PLEKHG1: variants seen among roughly 807,000 people sequenced by gnomAD.
The protein encoded by PLEKHG1 is pleckstrin homology and RhoGEF domain containing G1, also known as pleckstrin homology domain-containing family G member 1.
A neutral mutation model predicts 100.8 loss-of-function variants in PLEKHG1; 44 were observed. That is an observed-to-expected ratio of 0.44 (90% confidence interval 0.34 to 0.56). The LOEUF (loss-of-function observed/expected upper bound fraction) is 0.56, where lower values mean the gene tolerates loss of function less well. PLEKHG1 is among the 20% of genes least tolerant of loss of function. The pLI is 0.01. For missense variants in PLEKHG1, 1,545 were observed against 1,720.9 expected, an observed-to-expected ratio of 0.90 and a Z score of 1.81; for synonymous variants, 640 against 662.5, an observed-to-expected ratio of 0.97 and a Z score of 0.52.
At chr6:150,611,458 C>T (rs1565655) in intron 1 of PLEKHG1, among the ~76,000 whole-genome samples, 105,476 of 152,126 alleles carry the variant, frequency 0.69, 36,597 homozygotes, top group East Asian at 0.79. Context: ...TCCAAAGAGC[C>T]CCTTCCTATT....
intron 3 of PLEKHG1, among the ~76,000 whole-genome samples, chr6:150,692,479 A>G (rs980789131): frequency 6.6e-6 from 1 of 152,252 alleles, no homozygotes; most frequent in African/African-American, 2.4e-5. Context: ...AGCAGCTGCT[A>G]TGTGGAAAAC....
chr6:150,709,368 G>T (rs1421578570), intron 3 of PLEKHG1, among the ~76,000 whole-genome samples: 1 of 152,110 alleles, frequency 6.6e-6, no homozygotes, highest in African/African-American at 2.4e-5. Context: ...GGAATAAAAA[G>T]CATTTTCCTG....
At position 150,681,813 on chromosome 6, in the gene PLEKHG1, C is replaced by T. The variant is rs1032155678; in HGVS notation, c.-99+31027C>T. ...GAAACCTGTGAATGAGCTTCCTGAACCCAAACTTTGCCGCTCCTCAATTTC... is the reference window on the plus strand; with the variant it reads ...GAAACCTGTGAATGAGCTTCCTGAATCCAAACTTTGCCGCTCCTCAATTTC... On this transcript the variant is annotated intron_variant, in intron 3 of 3. Coordinates refer to the PLEKHG1 transcript ENST00000367326. Among the ~76,000 whole-genome samples, 4 of 152,088 alleles carry T rather than the reference C, an allele frequency of 2.6e-5. No homozygotes were observed. The South Asian group carries it at 6.2e-4, about 24-fold the overall frequency.
chr6:150,834,038 A>G (rs1319477992), intron 15 of PLEKHG1, among the ~76,000 whole-genome samples: 2 of 152,178 alleles, frequency 1.3e-5, no homozygotes, highest in Non-Finnish European at 2.9e-5. Flanking sequence ...GAGAGTATTT[A>G]AGAATTGTCT....
At chr6:150,656,547 G>A (rs1333221992) in intron 3 of PLEKHG1, among the ~76,000 whole-genome samples, 1 of 152,200 alleles carries the variant, frequency 6.6e-6, no homozygotes, top group Non-Finnish European at 1.5e-5. Context: ...TGTTCAACAA[G>A]GAGGTGTTAT....
At chr6:150,654,209 T>C (rs567519938) in intron 3 of PLEKHG1, among the ~76,000 whole-genome samples, 1 of 152,356 alleles carries the variant, frequency 6.6e-6, no homozygotes, top group South Asian at 2.1e-4. Context: ...CACCGGGTGC[T>C]GAGGGCGTCC....
upstream of PLEKHG1, among the ~76,000 whole-genome samples, chr6:150,717,255 G>C (rs1012393040): frequency 5.3e-5 from 8 of 151,536 alleles, no homozygotes; most frequent in African/African-American, 1.9e-4. Context: ...GGGTAGGCTG[G>C]TCTTGAACTT....
At chr6:150,733,672 A>G in exon 2 of PLEKHG1, 1 of 1,614,128 alleles carries the variant, frequency 6.2e-7, no homozygotes, top group East Asian at 2.2e-5. Flanking sequence ...GCCCTCAAGA[A>G]CTGAAGACAA....
chr6:150,708,476 A>G (rs1781110732), intron 3 of PLEKHG1, among the ~76,000 whole-genome samples: 1 of 152,120 alleles, frequency 6.6e-6, no homozygotes, highest in Non-Finnish European at 1.5e-5. Context: ...TACTTTTTCT[A>G]GGATCCCCCC....
chr6:150,735,756 C>T (rs1233426074), intron 2 of PLEKHG1, among the ~76,000 whole-genome samples: 4 of 151,740 alleles, frequency 2.6e-5, no homozygotes, highest in Non-Finnish European at 4.4e-5. Flanking sequence ...GCTTTTTTTT[C>T]CTTTCTTTCT....
chr6:150,665,475 A>C (rs1372570871), intron 3 of PLEKHG1, among the ~76,000 whole-genome samples: 1 of 151,788 alleles, frequency 6.6e-6, no homozygotes, highest in African/African-American at 2.4e-5. Flanking sequence ...CAAAAAATAC[A>C]AAAAATTAGC....
chr6:150,763,024 C>CTTCTTTTTTTTTTTTTTTTTTTTT (rs1784252828), intron 2 of PLEKHG1, among the ~76,000 whole-genome samples: 1 of 76,530 alleles, frequency 1.3e-5, no homozygotes, highest in East Asian at 4.9e-4. Context: ...GATAAAGCTT[C>CTTCTTTTTTTTTTTTTTTTTTTTT]TTTTTTTTTT....
At chr6:150,790,146 C>G (rs1476983391) in intron 4 of PLEKHG1, among the ~76,000 whole-genome samples, 2 of 152,110 alleles carry the variant, frequency 1.3e-5, no homozygotes, top group Non-Finnish European at 2.9e-5. Context: ...TCCGCCCCCA[C>G]GAGTAGCTGG....
chr6:150,836,610 A>AG (rs894041517), intron 15 of PLEKHG1, among the ~76,000 whole-genome samples: 2 of 151,824 alleles, frequency 1.3e-5, no homozygotes. Flanking sequence ...TGAGCTCAGG[A>AG]GTTTGTGACC....
At chr6:150,704,196 A>C (rs566335998) in intron 3 of PLEKHG1, among the ~76,000 whole-genome samples, 2 of 152,190 alleles carry the variant, frequency 1.3e-5, no homozygotes, top group Non-Finnish European at 2.9e-5. Flanking sequence ...CTCTGAGGGC[A>C]GGGAATAGTC....
rs550135381 is a variant in PLEKHG1, at chr6:150,684,000, C to G, written c.-99+33214C>G. Reference sequence around the variant, plus strand: ...TCAGGCAGCCTCCTCGGGCGGAGACCGCAGGTAGATGTCCCTGGCCTCTGG... The same window carrying G: ...TCAGGCAGCCTCCTCGGGCGGAGACGGCAGGTAGATGTCCCTGGCCTCTGG... On this transcript the variant is annotated intron_variant, in intron 3 of 3. Coordinates refer to the PLEKHG1 transcript ENST00000367326. The surrounding 1 kb of genome is among the most constrained non-coding windows in gnomAD (Gnocchi z 4.0). The G allele has an allele frequency of 1.1e-5, 4 of 356,618 alleles. No homozygotes were observed. The highest frequency in any genetic ancestry group is 4.3e-5 in the South Asian group (2 of 46,202). 22.1% of individuals were successfully genotyped at this position (356,618 alleles called of 1,614,324 possible).
At chr6:150,775,883 G>T (rs1583103494) in intron 3 of PLEKHG1, among the ~76,000 whole-genome samples, 1 of 152,112 alleles carries the variant, frequency 6.6e-6, no homozygotes, top group East Asian at 1.9e-4. Context: ...CCAGGCCAGT[G>T]CCTGGAAAGT....
intron 10 of PLEKHG1, among the ~76,000 whole-genome samples, chr6:150,817,903 G>C (rs1776072649): frequency 6.6e-6 from 1 of 151,902 alleles, no homozygotes; most frequent in South Asian, 2.1e-4. Flanking sequence ...GAGTGCTGAT[G>C]ATCAGCCAGG....
At chr6:150,817,954 G>C (rs556469604) in intron 10 of PLEKHG1, among the ~76,000 whole-genome samples, 12 of 152,034 alleles carry the variant, frequency 7.9e-5, no homozygotes, top group Non-Finnish European at 1.3e-4. Context: ...CACAGGATTG[G>C]GGGTGCAGTC....
Sources: gnomAD v4.1 joint callset for allele counts (sites outside exome capture counted in the v4.1 genomes callset) on GRCh38, gnomAD v4.1.1 for gene constraint, Gnocchi (gnomAD v3.1) non-coding constraint, MANE v1.5 for transcripts, NCBI Gene and HGNC (gene_info 2026-07-23, HGNC 2026-07-21) for gene names.